FER1L6: variants seen among roughly 807,000 people sequenced by gnomAD.
FER1L6 encodes the protein fer-1 like family member 6.
A neutral mutation model predicts 219.2 loss-of-function variants in FER1L6; 177 were observed. The observed-to-expected ratio is 0.81, with a 90% CI of 0.71 to 0.91. The LOEUF (loss-of-function observed/expected upper bound fraction) is 0.91, where lower values mean the gene tolerates loss of function less well. Ranked by LOEUF, FER1L6 falls within the 40% of genes least tolerant of loss-of-function variation. The pLI is 0.00. For missense variants in FER1L6, 2,153 were observed against 2,259.9 expected, an observed-to-expected ratio of 0.95 and a Z score of 0.96; for synonymous variants, 768 against 824.3, an observed-to-expected ratio of 0.93 and a Z score of 1.17.
Position 124,096,271 on chromosome 8 carries a change from G to A in FER1L6, c.4696-1000G>A, listed in dbSNP as rs565159771. ...AAGGATGAATATTAATGTGTCTTTA[G>A]AAAATAAATCATCCTGCTTTTCTCT... On this transcript the variant is annotated intron_variant, in intron 35 of 40. Transcript: ENST00000522917. Among the ~76,000 whole-genome samples the A allele has an allele frequency of 4.0e-4, 61 of 152,270 alleles. 2 individuals carry two copies. The South Asian group carries it at 0.012, about 29-fold the overall frequency.
intron 37 of FER1L6, among the ~76,000 whole-genome samples, chr8:124,100,832 A>G (rs926189316): frequency 1.3e-5 from 2 of 151,974 alleles, no homozygotes; most frequent in African/African-American, 4.8e-5. Flanking sequence ...TTCTATCTTG[A>G]TTGCATGGGG....
chr8:123,886,974 C>T (rs563643960), intron 1 of FER1L6, among the ~76,000 whole-genome samples: 12 of 152,166 alleles, frequency 7.9e-5, no homozygotes, highest in African/African-American at 1.9e-4. Flanking sequence ...TCTTAAAGCT[C>T]GAAACTCACC....
rs200101414 is a variant in FER1L6 at position 124,061,940 on chromosome 8, C to T, written c.3236C>T (p.Thr1079Ile). 2.1e-4 allele frequency: 347 copies of T among 1,614,052 alleles called. No individual in the cohort carries two copies. The highest frequency in any genetic ancestry group is 2.5e-4 in the Non-Finnish European group (291 of 1,180,022). Residue 1079 changes from threonine (T) to isoleucine (I), a missense_variant, in exon 25 of 41, where the codon ACC (threonine) becomes ATC (isoleucine). Thr to Ile is a moderately conservative substitution (Grantham distance 89, BLOSUM62 -1). Coordinates refer to ENST00000522917, the MANE Select transcript of FER1L6 (RefSeq NM_001039112.2). ...RAFGRSTLVG[T>I]YTINYLKQFL... is the part of the protein sequence containing the mutation. ...TTTGGGAGGAGTACCCTTGTGGGCA[C>T]CTACACCATCAACTACTTGAAGCAG...
At chr8:123,983,815 A>G (rs1169555803) in intron 11 of FER1L6, among the ~76,000 whole-genome samples, 1 of 152,248 alleles carries the variant, frequency 6.6e-6, no homozygotes, top group Non-Finnish European at 1.5e-5. Context: ...ATAGTGCTCA[A>G]TAAATCTTAG....
intron 34 of FER1L6, 112 bp from the exon 35 acceptor site, chr8:124,094,784 G>T: frequency 8.1e-7 from 1 of 1,228,260 alleles, no homozygotes; most frequent in South Asian, 1.2e-5. Context: ...ACTGCACCCA[G>T]CCCCTTGGTA....
chr8:124,006,104 AGGG>A (rs1817644446), intron 13 of FER1L6, among the ~76,000 whole-genome samples: 1 of 152,234 alleles, frequency 6.6e-6, no homozygotes, highest in African/African-American at 2.4e-5. Flanking sequence ...GCCATCAGTG[AGGG>A]AACAGCTGGA....
chr8:123,899,407 T>C (rs7844410), intron 1 of FER1L6, among the ~76,000 whole-genome samples: 47,782 of 152,070 alleles, frequency 0.31, 8,254 homozygotes, highest in Middle Eastern at 0.41. Context: ...TTCTGGATAT[T>C]ATTAGTCCTT....
intron 20 of FER1L6, 61 bp downstream of exon 20, chr8:124,040,067 G>C: frequency 6.2e-7 from 1 of 1,606,340 alleles, no homozygotes; most frequent in Non-Finnish European, 8.5e-7. Context: ...ACCCACAGAA[G>C]ATCCCAGGAA....
At chr8:124,094,815 T>C in intron 34 of FER1L6, 81 bp from the exon 35 acceptor site, 1 of 1,442,072 alleles carries the variant, frequency 6.9e-7, no homozygotes, top group Non-Finnish European at 9.7e-7. Context: ...AGCCTGTAAG[T>C]GTTTAAAAAT....
Position 124,057,006 on chromosome 8 carries a change from T to C in FER1L6, c.2875-3174T>C, listed in dbSNP as rs987477269. Among the ~76,000 whole-genome samples the C allele has an allele frequency of 2.0e-5, 3 of 152,138 alleles. No homozygotes were observed. In the East Asian group the frequency reaches 5.8e-4, roughly 29 times the overall value. ...TTGCAGTGAGCAGGGATCGCACCTC[T>C]GCACTCCAGCCTGGGTGACAGAGTG... On this transcript the variant is annotated intron_variant, in intron 22 of 40. Transcript: ENST00000522917.
At chr8:124,055,671 CCTTT>C (rs1820261060) in intron 22 of FER1L6, among the ~76,000 whole-genome samples, 1 of 152,096 alleles carries the variant, frequency 6.6e-6, no homozygotes, top group African/African-American at 2.4e-5. Context: ...AGTCCACCTC[CCTTT>C]CTTAGAATGT....
At chr8:124,082,078 T>C (rs1198902988) in intron 32 of FER1L6, among the ~76,000 whole-genome samples, 1 of 152,236 alleles carries the variant, frequency 6.6e-6, no homozygotes, top group African/African-American at 2.4e-5. Flanking sequence ...AAAGGGGAGA[T>C]TATTGGCTAT....
intron 39 of FER1L6, 30 bp from the exon 40 acceptor site, chr8:124,118,814 G>A (rs761052295): frequency 8.1e-6 from 13 of 1,604,498 alleles, no homozygotes; most frequent in Non-Finnish European, 1.1e-5. Context: ...CTTTGTGACT[G>A]GAAACAAAAG....
rs1422693173 is a variant in FER1L6 at position 123,898,226 on chromosome 8, GA to G, written c.-8+46043del. ...ACTTAGAGGAATATAAAACTTAGAA[GA>G]ATAAGTATAATTAATGACTATCCAA... On this transcript the variant is annotated intron_variant, in intron 1 of 40. Transcript: ENST00000522917. 2.0e-5 allele frequency among the ~76,000 whole-genome samples: 3 copies of G among 152,004 alleles called. No individual in the cohort carries two copies. In the East Asian group the frequency reaches 5.8e-4, roughly 29 times the overall value.
intron 11 of FER1L6, among the ~76,000 whole-genome samples, chr8:123,981,358 G>C (rs533254546): frequency 1.3e-5 from 2 of 152,166 alleles, no homozygotes; most frequent in African/African-American, 2.4e-5. Flanking sequence ...TTATGGGAAA[G>C]AGATCTGAGA....
rs149433377 is a variant in FER1L6, at chr8:123,891,097, A to G, written c.-8+38912A>G. 5.6e-3 allele frequency among the ~76,000 whole-genome samples: 854 copies of G among 152,278 alleles called. 7 individuals are homozygous for G. Among genetic ancestry groups the G allele is most frequent in the Non-Finnish European group, 9.0e-3 (609 of 67,990 alleles). ...AAGTGATATTCACTTGGATTAAGTA[A>G]CAATAAAAAAAGTGAGACTTTCTAG... On this transcript the variant is annotated intron_variant, in intron 1 of 40. Coordinates refer to ENST00000522917, the MANE Select transcript of FER1L6 (RefSeq NM_001039112.2).
chr8:123,948,405 A>G (rs947861346), intron 1 of FER1L6, among the ~76,000 whole-genome samples: 10 of 152,240 alleles, frequency 6.6e-5, no homozygotes. Flanking sequence ...TTTGCAAAGG[A>G]AATGTAGTAA....
chr8:124,082,113 A>G (rs1563789029), intron 32 of FER1L6, among the ~76,000 whole-genome samples, 175 bp from the exon 33 acceptor site: 2 of 152,282 alleles, frequency 1.3e-5, no homozygotes, highest in East Asian at 3.9e-4. Flanking sequence ...AGAGTTGAAA[A>G]TTGTTTGTAC....
At chr8:123,854,125 T>A (rs776917059) in intron 1 of FER1L6, among the ~76,000 whole-genome samples, 17 of 152,290 alleles carry the variant, frequency 1.1e-4, no homozygotes, top group Non-Finnish European at 2.4e-4. Flanking sequence ...CAGTTACGGC[T>A]CCAACATGAT....
Sources: allele counts gnomAD v4.1 joint callset (sites outside exome capture counted in the v4.1 genomes callset), GRCh38; gene constraint gnomAD v4.1.1; transcripts MANE v1.5; gene names NCBI Gene and HGNC (gene_info 2026-07-23, HGNC 2026-07-21).